Variants in AKAP9 observed in about 807,000 individuals in gnomAD.
AKAP9 encodes the protein A-kinase anchoring protein 9.
In AKAP9, 311 loss-of-function variants were observed where a neutral mutation model predicts 488.5. The observed-to-expected ratio is 0.64, with a 90% CI of 0.58 to 0.70. AKAP9 has a LOEUF of 0.70. Ranked by LOEUF, AKAP9 falls within the 30% of genes least tolerant of loss-of-function variation. The pLI is 0.00. For synonymous variants in AKAP9, 1,462 were observed against 1,483.5 expected (o/e 0.99, Z 0.33); for missense variants, 4,215 against 4,374.5 (o/e 0.96, Z 1.03).
chr7:92,063,454 T>C, intron 24 of AKAP9: 1 of 981,116 alleles, frequency 1.0e-6, no homozygotes, highest in Non-Finnish European at 1.2e-6. Flanking sequence ...TTTTCTCTAT[T>C]TTCCTAGGAC....
rs749688986 is a variant in AKAP9, at chr7:92,012,973, ATTTTTTTTTTTTTT to A, written c.3532+354_3532+367del. Among the ~76,000 whole-genome samples the A allele has an allele frequency of 6.7e-4, 41 of 60,752 alleles. No individual in the cohort carries two copies. The East Asian group carries it at 7.5e-3, about 11-fold the overall frequency. 39.9% of individuals were successfully genotyped at this position (60,752 alleles called of 152,430 possible). On this transcript the variant is annotated intron_variant, in intron 9 of 49. Coordinates refer to ENST00000356239, the MANE Select transcript of AKAP9 (RefSeq NM_005751.5). ...GGTGGTAGACAGTGGTGGGGTTGGA[ATTTTTTTTTTTTTT>A]TTTTTTTTTTTTTTTTTTTTTTGAG...
intron 37 of AKAP9, among the ~76,000 whole-genome samples, chr7:92,087,970 C>G (rs1814890884): frequency 6.6e-6 from 1 of 151,812 alleles, no homozygotes; most frequent in African/African-American, 2.4e-5. Context: ...GGAAATCACC[C>G]TTTATTAAAC....
chr7:92,021,916 A>G (rs1215412970), intron 12 of AKAP9, among the ~76,000 whole-genome samples: 1 of 152,234 alleles, frequency 6.6e-6, no homozygotes, highest in East Asian at 1.9e-4. Flanking sequence ...TGAAATTTCA[A>G]AGACCAAGGT....
At chr7:92,048,183 A>G (rs920317069) in intron 21 of AKAP9, among the ~76,000 whole-genome samples, 7 of 152,192 alleles carry the variant, frequency 4.6e-5, no homozygotes, top group Non-Finnish European at 1.0e-4. Flanking sequence ...GTTTTTTAGT[A>G]TAACAAAAAA....
At chr7:92,083,136 T>C (rs575051985) in intron 32 of AKAP9, 34 bp from the exon 33 acceptor site, 20 of 1,606,404 alleles carry the variant, frequency 1.2e-5, no homozygotes, top group African/African-American at 2.7e-5. Context: ...AGATTTTAAC[T>C]GAATGCCCTA....
chr7:92,004,665 T>G (rs914312032), intron 8 of AKAP9, among the ~76,000 whole-genome samples: 2 of 152,178 alleles, frequency 1.3e-5, no homozygotes, highest in Non-Finnish European at 2.9e-5. Context: ...GCACATTGAT[T>G]TTGTATCCTG....
chr7:92,069,118 AC>A (rs752359940), intron 26 of AKAP9, among the ~76,000 whole-genome samples: 3 of 152,128 alleles, frequency 2.0e-5, no homozygotes, highest in Non-Finnish European at 4.4e-5. Context: ...TCCCTCTCAC[AC>A]CCCTTCATCC....
chr7:92,032,266 G>A (rs1353546262), intron 16 of AKAP9, among the ~76,000 whole-genome samples: 1 of 152,162 alleles, frequency 6.6e-6, no homozygotes, highest in Admixed American at 6.6e-5. Flanking sequence ...GGAGGCCGAG[G>A]CGGGCAGGTC....
At position 92,052,716 on chromosome 7, in the gene AKAP9, G is replaced by A. The variant is rs1808190124; in HGVS notation, c.5369-10G>A. On this transcript the variant is annotated splice_polypyrimidine_tract_variant and intron_variant, in intron 21 of 49. Transcript: ENST00000356239. ...AATTAATTTATGCCTTTAAAACACT[G>A]TTATTCTAGTTACAGATGAATCCAT... 1 of 1,574,222 alleles carries A rather than the reference G, an allele frequency of 6.4e-7. No homozygotes were observed. The highest frequency in any genetic ancestry group is 8.7e-7 in the Non-Finnish European group (1 of 1,144,842).
At chr7:91,980,260 A>C (rs753226383) in intron 2 of AKAP9, 29 bp from the exon 3 acceptor site, 1 of 1,469,178 alleles carries the variant, frequency 6.8e-7, no homozygotes, top group South Asian at 1.2e-5. Context: ...AAAAGTCATA[A>C]TTATATTTGG....
chr7:92,039,426 T>G (rs1463626382), intron 17 of AKAP9, among the ~76,000 whole-genome samples: 2 of 152,216 alleles, frequency 1.3e-5, no homozygotes, highest in Non-Finnish European at 2.9e-5. Flanking sequence ...AAAGATTTGC[T>G]TAATTAAATA....
In AKAP9 at chr7:92,099,778, T is replaced by G. The variant is rs1336498652; in HGVS notation, c.10805T>G (p.Leu3602Arg). ...NAELTGHISQ[L>R]TEEKNDLRNM... ...GAGCTGACAGGGCATATCAGTCAAC[T>G]GACTGAAGAGAAGAATGACTTAAGG... Residue 3602 changes from leucine (L) to arginine (R), a missense_variant, in exon 44 of 50, where the codon CTG (leucine) becomes CGG (arginine). This residue lies in a region of AKAP9 where 74 missense variants were observed against 113.0 expected (regional missense o/e 0.65). Coordinates refer to ENST00000356239, the MANE Select transcript of AKAP9 (RefSeq NM_005751.5). The G allele has an allele frequency of 1.9e-6, 3 of 1,614,162 alleles. No homozygotes were observed. Among genetic ancestry groups the G allele is most frequent in the Non-Finnish European group, 2.5e-6 (3 of 1,179,998 alleles).
chr7:91,944,702 T>TA (rs1430695611), intron 1 of AKAP9, among the ~76,000 whole-genome samples: 2 of 152,152 alleles, frequency 1.3e-5, no homozygotes. Context: ...TGCCATTTTT[T>TA]AAAAAACATA....
intron 1 of AKAP9, among the ~76,000 whole-genome samples, chr7:91,959,118 T>G (rs1450642758): frequency 6.6e-6 from 1 of 151,936 alleles, no homozygotes; most frequent in Non-Finnish European, 1.5e-5. Context: ...TTCCTGGGCT[T>G]AAGCAATATG....
Position 92,100,940 on chromosome 7 carries a change from A to G in AKAP9, c.10981A>G (p.Thr3661Ala), listed in dbSNP as rs1817426836. ...AGAAGTATGGAACAGAGAAAAATTG[A>G]CTCTCCAGAAATCTTTGAAAAGGGC... ...EKEVWNREKL[T>A]LQKSLKRAEA... is the part of the protein sequence containing the mutation. Residue 3661 changes from threonine (T) to alanine (A), a missense_variant, in exon 45 of 50, where the codon ACT becomes GCT. This residue lies in a region of AKAP9 where 74 missense variants were observed against 113.0 expected (regional missense o/e 0.65). Transcript: ENST00000356239. 1 of 1,614,026 alleles carries G rather than the reference A, an allele frequency of 6.2e-7. No homozygotes were observed. Among genetic ancestry groups the G allele is most frequent in the Non-Finnish European group, 8.5e-7 (1 of 1,180,042 alleles).
chr7:92,031,253 G>T (rs1274750149), intron 15 of AKAP9, among the ~76,000 whole-genome samples: 1 of 152,008 alleles, frequency 6.6e-6, no homozygotes, highest in African/African-American at 2.4e-5. Flanking sequence ...TCCCACTCTA[G>T]AACTGTATGT....
intron 1 of AKAP9, among the ~76,000 whole-genome samples, chr7:91,968,360 C>A (rs537646797): frequency 6.6e-6 from 1 of 152,152 alleles, no homozygotes; most frequent in African/African-American, 2.4e-5. Flanking sequence ...TTATCTTTTT[C>A]TTCTAGGTTT....
Position 92,065,429 on chromosome 7 carries a change from A to G in AKAP9, c.6176A>G (p.Glu2059Gly), listed in dbSNP as rs73226383. Reference sequence around the variant, plus strand: ...TTAAGACAGCAAAACCAAGCATTGGAAAAGCAGTTAGAAAAAATGAGAAAA... The same window carrying G: ...TTAAGACAGCAAAACCAAGCATTGGGAAAGCAGTTAGAAAAAATGAGAAAA... ...MDLRQQNQALEKQLEKMRKFL... is the reference protein window; with the variant it reads ...MDLRQQNQALGKQLEKMRKFL... The change falls in exon 25 of 50, where the codon GAA becomes GGA. Residue 2059 changes from glutamate to glycine, a missense_variant. By Grantham distance (98) the Glu-to-Gly change is moderately conservative. Around this residue, in one of 5 missense-constraint regions of AKAP9, gnomAD observed 2,361 missense variants for 2,430.0 expected, o/e 0.97. Coordinates refer to ENST00000356239, the MANE Select transcript of AKAP9 (RefSeq NM_005751.5). 1,587 of 1,612,458 alleles carry G rather than the reference A, an allele frequency of 9.8e-4. 2 individuals are homozygous for G. The highest frequency in any genetic ancestry group is 1.3e-3 in the Non-Finnish European group (1,501 of 1,179,202).
Position 92,035,951 on chromosome 7 carries a change from T to G in AKAP9, c.4339-2468T>G, listed in dbSNP as rs368832510. ...AAAAAGGATGTTTACGCTCTAATCC[T>G]TTTTGCATCTTAGGCCATCCTTTTA... is the stretch of plus-strand genomic sequence containing the variant. On this transcript the variant is annotated intron_variant, in intron 16 of 49. Coordinates refer to ENST00000356239, the MANE Select transcript of AKAP9 (RefSeq NM_005751.5). Among the ~76,000 whole-genome samples the G allele has an allele frequency of 5.9e-5, 9 of 152,266 alleles. No homozygotes were observed. The South Asian group carries it at 1.9e-3, about 32-fold the overall frequency.
Sources: allele counts gnomAD v4.1 joint callset (sites outside exome capture counted in the v4.1 genomes callset), GRCh38; gene constraint gnomAD v4.1.1; regional missense constraint gnomAD v4.1.1; transcripts MANE v1.5; gene names NCBI Gene and HGNC (gene_info 2026-07-23, HGNC 2026-07-21).